PRKAR2A: variants seen among roughly 807,000 people sequenced by gnomAD.
PRKAR2A encodes the protein protein kinase cAMP-dependent type II regulatory subunit alpha.
PRKAR2A carries 29 observed loss-of-function variants against 51.9 expected under a neutral mutation model. That is an observed-to-expected ratio of 0.56 (90% CI 0.42 to 0.76). PRKAR2A has a LOEUF of 0.76. Among genes scored for constraint, PRKAR2A ranks in the 30% least tolerant of loss-of-function variants. PRKAR2A has a pLI of 0.00. For missense variants in PRKAR2A, 445 were observed against 512.1 expected, an observed-to-expected ratio of 0.87 and a Z score of 1.26; for synonymous variants, 178 against 186.2, an observed-to-expected ratio of 0.96 and a Z score of 0.36.
At chr3:48,745,920 G>A (rs896683805), downstream of PRKAR2A, among the ~76,000 whole-genome samples, 3 of 152,210 alleles carry the variant, frequency 2.0e-5, no homozygotes, top group South Asian at 2.1e-4. Context: ...CCAATCAGTC[G>A]AAGGCGTGAA....
rs2082229470 is a variant in PRKAR2A at position 48,783,078 on chromosome 3, T to C, written c.450A>G (p.Gln150=). 2 of 1,612,824 alleles carry C rather than the reference T, an allele frequency of 1.2e-6. No individual in the cohort carries two copies. The highest frequency in any genetic ancestry group is 1.7e-6 in the Non-Finnish European group (2 of 1,179,462). Residue 150 remains glutamine (Q), a synonymous_variant, in exon 5 of 11, where the codon CAA becomes CAG. Transcript: ENST00000265563. ...TCCTTTCAAACATGGCATCGAGAAC[T>C]TGAGAAAGCTGTTCCTGCAGGGTAT... The part of the protein sequence containing the change: ...FKNLDQEQLS[Q]VLDAMFERIV...
In PRKAR2A at chr3:48,779,852, T is replaced by G. The variant is rs1013351783; in HGVS notation, c.542+3134A>C. Among the ~76,000 whole-genome samples the G allele has an allele frequency of 4.0e-5, 6 of 150,640 alleles. 1 individual carries two copies. Among genetic ancestry groups the G allele is most frequent in the Admixed American group, 2.7e-4 (4 of 15,082 alleles). ...ATAAAATATATAGTTTTGTATTATA[T>G]TTATAATTTTATTTTAAAACTATTC... On this transcript the variant is annotated intron_variant, in intron 5 of 10. Coordinates refer to ENST00000265563, the MANE Select transcript of PRKAR2A (RefSeq NM_004157.4).
intron 2 of PRKAR2A, among the ~76,000 whole-genome samples, chr3:48,806,474 CATT>C (rs1406953404): frequency 6.6e-6 from 1 of 151,800 alleles, no homozygotes; most frequent in Non-Finnish European, 1.5e-5. Context: ...CAGGAACAAT[CATT>C]GTTTTTTTTT....
intron 6 of PRKAR2A, 53 bp from the exon 7 acceptor site, chr3:48,765,402 A>G: frequency 7.9e-7 from 1 of 1,273,858 alleles, no homozygotes; most frequent in Non-Finnish European, 1.1e-6. Flanking sequence ...AGGAACATCT[A>G]TGGTTTAATT....
chr3:48,792,984 A>G (rs1333229277), intron 3 of PRKAR2A, among the ~76,000 whole-genome samples: 1 of 149,180 alleles, frequency 6.7e-6, no homozygotes, highest in Non-Finnish European at 1.5e-5. Flanking sequence ...AGTTTAAAAC[A>G]CTAAGTTTTT....
In PRKAR2A at chr3:48,750,333, A is replaced by C. The variant is rs1321952005; in HGVS notation, c.*1252T>G. On this transcript the variant is annotated 3_prime_UTR_variant, in exon 11 of 11. Transcript: ENST00000265563. ...AGCCAAGACCGCACCATTGCACTCCAGCCTGGGCAACAAGAGCGAAACTCC... is the reference window on the plus strand; with the variant it reads ...AGCCAAGACCGCACCATTGCACTCCCGCCTGGGCAACAAGAGCGAAACTCC... 6.6e-6 allele frequency: 1 copy of C among 152,556 alleles called. No individual in the cohort carries two copies. Among genetic ancestry groups the C allele is most frequent in the Non-Finnish European group, 1.5e-5 (1 of 68,342 alleles). 9.5% of individuals were successfully genotyped at this position (152,556 alleles called of 1,614,324 possible).
rs2081606352 is a variant in PRKAR2A, at chr3:48,749,060, G to GAA, written c.*2523_*2524dup. ...GAAAGCCTAGCTTATGTGGATAGTT[G>GAA]AAGGTGACTGTGTGGGCCATCATTA... On this transcript the variant is annotated 3_prime_UTR_variant, in exon 11 of 11. Coordinates refer to ENST00000265563, the MANE Select transcript of PRKAR2A (RefSeq NM_004157.4). The GAA allele has an allele frequency of 6.6e-6, 1 of 152,224 alleles. No homozygotes were observed. The highest frequency in any genetic ancestry group is 6.5e-5 in the Admixed American group (1 of 15,286). The allele number at this position is 152,224 out of a possible 1,614,324, so 9.4% of individuals were successfully genotyped here. A position where few individuals can be genotyped will look rare whatever the true frequency, so the allele number is the denominator to read the frequency against.
At chr3:48,802,891 A>G (rs1394925439) in intron 2 of PRKAR2A, among the ~76,000 whole-genome samples, 1 of 152,236 alleles carries the variant, frequency 6.6e-6, no homozygotes, top group Non-Finnish European at 1.5e-5. Flanking sequence ...AAGATTATGC[A>G]GGAGAGGAGC....
At chr3:48,790,400 T>G in intron 4 of PRKAR2A, 144 bp downstream of exon 4, 1 of 479,992 alleles carries the variant, frequency 2.1e-6, no homozygotes, top group Non-Finnish European at 3.6e-6. Context: ...GTCAATACAA[T>G]GAAAACATCT....
intron 1 of PRKAR2A, among the ~76,000 whole-genome samples, chr3:48,842,750 C>T (rs888464491): frequency 5.0e-4 from 76 of 152,190 alleles, no homozygotes; most frequent in Non-Finnish European, 9.6e-4. Context: ...AGCCTTGCAT[C>T]CCAGGGATGA....
intron 1 of PRKAR2A, among the ~76,000 whole-genome samples, chr3:48,810,524 G>A (rs913793396): frequency 2.0e-5 from 3 of 151,962 alleles, no homozygotes; most frequent in Non-Finnish European, 2.9e-5. Flanking sequence ...TTTGCTTTTT[G>A]GAACTTTGTG....
At chr3:48,781,653 C>T (rs1385131884) in intron 5 of PRKAR2A, among the ~76,000 whole-genome samples, 1 of 152,106 alleles carries the variant, frequency 6.6e-6, no homozygotes, top group African/African-American at 2.4e-5. Flanking sequence ...GCTGGGACTA[C>T]AGGCGCGTGC....
At chr3:48,772,299 T>G (rs1330159296) in intron 6 of PRKAR2A, among the ~76,000 whole-genome samples, 1 of 152,132 alleles carries the variant, frequency 6.6e-6, no homozygotes, top group Non-Finnish European at 1.5e-5. Context: ...CAGGCTAGAG[T>G]GCAGTGGCGT....
At chr3:48,844,144 A>T (rs1476457478) in intron 1 of PRKAR2A, among the ~76,000 whole-genome samples, 2 of 152,220 alleles carry the variant, frequency 1.3e-5, no homozygotes, top group Non-Finnish European at 2.9e-5. Flanking sequence ...TTACAAGAAA[A>T]AAACTAACAA....
chr3:48,774,050 C>A (rs2082069837), intron 5 of PRKAR2A, among the ~76,000 whole-genome samples: 1 of 152,112 alleles, frequency 6.6e-6, no homozygotes, highest in Admixed American at 6.6e-5. Context: ...CCAAGCTGGT[C>A]TGGAACTCCT....
At chr3:48,807,602 ATCTTAAAATAACATTTTAG>A in intron 2 of PRKAR2A, 28 bp downstream of exon 2, 1 of 1,396,468 alleles carries the variant, frequency 7.2e-7, no homozygotes, top group Non-Finnish European at 1.0e-6. Flanking sequence ...ATATATTCCT[ATCTTAAAATAACATTTTAG>A]AAGTATGTTA....
At chr3:48,768,593 G>C (rs1436613622) in intron 6 of PRKAR2A, among the ~76,000 whole-genome samples, 2 of 152,014 alleles carry the variant, frequency 1.3e-5, no homozygotes, top group African/African-American at 4.8e-5. Flanking sequence ...AGCTACTTGG[G>C]AGGCTGAGGC....
chr3:48,769,302 C>A (rs1462703993), intron 6 of PRKAR2A, among the ~76,000 whole-genome samples: 1 of 151,466 alleles, frequency 6.6e-6, no homozygotes, highest in African/African-American at 2.4e-5. Context: ...GGGCTACAGG[C>A]GCCTGCCACC....
intron 4 of PRKAR2A, among the ~76,000 whole-genome samples, chr3:48,787,401 G>A (rs759155868): frequency 3.9e-5 from 6 of 152,034 alleles, no homozygotes; most frequent in Admixed American, 3.3e-4. Context: ...GGCCAGGCTG[G>A]TCTCAAACTC....
Sources: gnomAD v4.1 joint callset for allele counts (sites outside exome capture counted in the v4.1 genomes callset) on GRCh38, gnomAD v4.1.1 for gene constraint, MANE v1.5 for transcripts, NCBI Gene and HGNC (gene_info 2026-07-23, HGNC 2026-07-21) for gene names.